Variants in FARS2 observed in about 807,000 individuals in gnomAD.
FARS2 encodes the protein phenylalanyl-tRNA synthetase 2, mitochondrial.
Under a neutral mutation model 46.4 loss-of-function variants are expected in FARS2, and 40 were observed. The ratio of observed to expected loss-of-function variants is 0.86; its 90% CI spans 0.67 to 1.12. FARS2 has a LOEUF of 1.12. FARS2 is among the 50% of genes most tolerant of loss of function. The pLI, the probability that FARS2 is intolerant of heterozygous loss-of-function variation, is 0.00. For missense variants in FARS2, 513 were observed against 567.9 expected (o/e 0.90, Z 0.98); for synonymous variants, 234 against 214.9 (o/e 1.09, Z -0.78).
chr6:5,537,329 G>A (rs115769310), intron 4 of FARS2, among the ~76,000 whole-genome samples: 3,310 of 152,346 alleles, frequency 0.022, 44 homozygotes, highest in Middle Eastern at 0.027. Flanking sequence ...ATGGCATTGA[G>A]CAATAACATT....
At chr6:5,400,908 G>A (rs941157694) in intron 2 of FARS2, among the ~76,000 whole-genome samples, 4 of 151,830 alleles carry the variant, frequency 2.6e-5, no homozygotes, top group Admixed American at 1.3e-4. Context: ...GAAACTTTTA[G>A]CATTAATACA....
intron 6 of FARS2, chr6:5,695,356 G>A (rs975004854): frequency 2.0e-5 from 3 of 152,276 alleles, no homozygotes; most frequent in African/African-American, 7.2e-5. Context: ...GCGGTACGCT[G>A]TCATTCCCAG....
chr6:5,663,417 T>A (rs1455631285), intron 6 of FARS2, among the ~76,000 whole-genome samples: 2 of 152,262 alleles, frequency 1.3e-5, no homozygotes, highest in Non-Finnish European at 2.9e-5. Context: ...CTGGCATTAT[T>A]CAAAGCTGCT....
intron 6 of FARS2, among the ~76,000 whole-genome samples, chr6:5,651,568 G>A (rs9504478): frequency 0.035 from 5,393 of 152,274 alleles, 215 homozygotes; most frequent in African/African-American, 0.098. Context: ...CCTCAGCTGC[G>A]CGGTCATCAT....
intron 6 of FARS2, 151 bp downstream of exon 6, chr6:5,613,471 T>C (rs1775299367): frequency 1.8e-6 from 1 of 567,174 alleles, no homozygotes; most frequent in Admixed American, 3.7e-5. Context: ...CAGAAAACTC[T>C]TTGATATCAG....
intron 5 of FARS2, among the ~76,000 whole-genome samples, chr6:5,608,787 C>T (rs1251797388): frequency 6.6e-6 from 1 of 152,066 alleles, no homozygotes; most frequent in Non-Finnish European, 1.5e-5. Context: ...TGTATATAAA[C>T]TCCAAAAAGA....
At chr6:5,501,139 A>G (rs1485019410) in intron 4 of FARS2, among the ~76,000 whole-genome samples, 1 of 152,118 alleles carries the variant, frequency 6.6e-6, no homozygotes, top group Non-Finnish European at 1.5e-5. Flanking sequence ...CATGATATGA[A>G]TGAACATTGC....
intron 1 of FARS2, among the ~76,000 whole-genome samples, chr6:5,271,514 AT>A (rs1220522070): frequency 2.1e-5 from 3 of 145,634 alleles, no homozygotes; most frequent in African/African-American, 7.7e-5. Flanking sequence ...TATTTGATTA[AT>A]TTTTTTGTGA....
At chr6:5,653,484 A>G (rs1176234074) in intron 6 of FARS2, among the ~76,000 whole-genome samples, 3 of 152,192 alleles carry the variant, frequency 2.0e-5, no homozygotes, top group Non-Finnish European at 2.9e-5. Flanking sequence ...ATGACGAGTA[A>G]AGCAGGCTCA....
chr6:5,493,242 A>T (rs1767242342), intron 4 of FARS2, among the ~76,000 whole-genome samples: 1 of 151,852 alleles, frequency 6.6e-6, no homozygotes, highest in Non-Finnish European at 1.5e-5. Flanking sequence ...AAAGAAAGAA[A>T]TGAGCCACAT....
At chr6:5,361,477 A>G (rs1401123819) in intron 1 of FARS2, among the ~76,000 whole-genome samples, 1 of 152,226 alleles carries the variant, frequency 6.6e-6, no homozygotes, top group Non-Finnish European at 1.5e-5. Context: ...GTCTCTTGAT[A>G]GTGCTGAATT....
intron 3 of FARS2, among the ~76,000 whole-genome samples, chr6:5,421,673 A>G (rs186006597): frequency 6.6e-6 from 1 of 152,340 alleles, no homozygotes; most frequent in Non-Finnish European, 1.5e-5. Flanking sequence ...AAGTTCCACA[A>G]ATCTCTAAAA....
intron 1 of FARS2, among the ~76,000 whole-genome samples, chr6:5,326,700 C>T (rs1764027343): frequency 6.6e-6 from 1 of 152,154 alleles, no homozygotes; most frequent in South Asian, 2.1e-4. Context: ...GACCTGATGC[C>T]CTCAGAGCAG....
chr6:5,664,595 T>C (rs550480039), intron 6 of FARS2, among the ~76,000 whole-genome samples: 11 of 152,212 alleles, frequency 7.2e-5, no homozygotes, highest in Non-Finnish European at 1.6e-4. Flanking sequence ...GCACAAAATA[T>C]CCTATAATCT....
chr6:5,654,523 A>G (rs1057416569), intron 6 of FARS2, among the ~76,000 whole-genome samples: 1 of 152,172 alleles, frequency 6.6e-6, no homozygotes, highest in Non-Finnish European at 1.5e-5. Flanking sequence ...CTTAGGTTTA[A>G]CTGAATGTTC....
At chr6:5,427,639 A>T (rs1163607826) in intron 3 of FARS2, among the ~76,000 whole-genome samples, 1 of 152,170 alleles carries the variant, frequency 6.6e-6, no homozygotes, top group Non-Finnish European at 1.5e-5. Context: ...ATTCTGCTCC[A>T]TTAAATCGTT....
At chr6:5,608,046 A>T (rs938867712) in intron 5 of FARS2, among the ~76,000 whole-genome samples, 2 of 148,396 alleles carry the variant, frequency 1.3e-5, no homozygotes, top group Non-Finnish European at 3.0e-5. Context: ...ATATCTTTTT[A>T]TCGTGAACTT....
At chr6:5,605,307 A>AG (rs1774768481) in intron 5 of FARS2, among the ~76,000 whole-genome samples, 1 of 59,082 alleles carries the variant, frequency 1.7e-5, no homozygotes, top group East Asian at 4.6e-4. Flanking sequence ...AGGCCAGAGC[A>AG]TTACTCTGCT....
intron 6 of FARS2, among the ~76,000 whole-genome samples, chr6:5,667,432 C>T (rs1028350781): frequency 2.6e-5 from 4 of 151,572 alleles, no homozygotes; most frequent in Non-Finnish European, 2.9e-5. Flanking sequence ...GCAGGAGAAT[C>T]GCTTGAACCC....
Sources: gnomAD v4.1 joint callset for allele counts (sites outside exome capture counted in the v4.1 genomes callset) on GRCh38, gnomAD v4.1.1 for gene constraint, MANE v1.5 for transcripts, NCBI Gene and HGNC (gene_info 2026-07-23, HGNC 2026-07-21) for gene names.